The following EYA1 variants were observed in gnomAD, a reference collection of about 807,000 sequenced individuals.
EYA1 encodes EYA transcriptional coactivator and phosphatase 1.
EYA1 carries 16 observed loss-of-function variants against 82.0 expected under a neutral mutation model. The observed-to-expected ratio is 0.20, with a 90% CI of 0.13 to 0.30. EYA1 has a LOEUF of 0.30. Ranked by LOEUF, EYA1 falls within the 10% of genes least tolerant of loss-of-function variation. The probability of loss-of-function intolerance (pLI) is 1.00; values close to 1 mark genes in which losing one functional copy is unlikely to be tolerated. For synonymous variants in EYA1, 261 were observed against 264.4 expected, an observed-to-expected ratio of 0.99 and a Z score of 0.12; for missense variants, 633 against 730.7, an observed-to-expected ratio of 0.87 and a Z score of 1.54.
chr8:71,395,300 T>C (rs1260273543), intron 2 of EYA1, among the ~76,000 whole-genome samples: 1 of 152,232 alleles, frequency 6.6e-6, no homozygotes, highest in African/African-American at 2.4e-5. Context: ...TCTTGCCTGA[T>C]TGCCCTGGCC....
intron 12 of EYA1, among the ~76,000 whole-genome samples, chr8:71,228,780 C>T (rs990434678): frequency 5.9e-5 from 9 of 152,162 alleles, no homozygotes; most frequent in East Asian, 1.9e-4. Flanking sequence ...CTTGCCTTTA[C>T]GGTTTTAAAC....
intron 2 of EYA1, among the ~76,000 whole-genome samples, chr8:71,368,577 C>T (rs1230859785): frequency 6.6e-6 from 1 of 152,118 alleles, no homozygotes; most frequent in Non-Finnish European, 1.5e-5. Flanking sequence ...AAAAGAATGA[C>T]AGCCTATGAC....
intron 9 of EYA1, among the ~76,000 whole-genome samples, chr8:71,292,293 C>T (rs1819091694): frequency 6.6e-6 from 1 of 151,948 alleles, no homozygotes; most frequent in African/African-American, 2.4e-5. Flanking sequence ...AGGAAAACAC[C>T]TTCAAATTTA....
chr8:71,317,738 G>A (rs765303027), intron 6 of EYA1, 49 bp from the exon 7 acceptor site: 59 of 1,585,536 alleles, frequency 3.7e-5, no homozygotes, highest in Non-Finnish European at 4.8e-5. Flanking sequence ...TCAAAAGCTG[G>A]TAAATATACA....
chr8:71,255,071 T>C, intron 11 of EYA1, among the ~76,000 whole-genome samples: 2 of 152,156 alleles, frequency 1.3e-5, no homozygotes, highest in African/African-American at 4.8e-5. Context: ...CGCTGAAAAA[T>C]TTTAAAAAAT....
chr8:71,274,865 G>GGA lies in EYA1; in HGVS notation c.827-2970_827-2969dup, dbSNP rs140773864. On this transcript the variant is annotated intron_variant, in intron 9 of 17. Coordinates refer to ENST00000340726, the MANE Select transcript of EYA1 (RefSeq NM_000503.6). ...CATAAGTATGTGTGAAGGTAAAGTG[G>GGA]GAGAGAGAGAGAGAGTGAGCGAGCG... 2.1e-3 allele frequency among the ~76,000 whole-genome samples: 311 copies of GGA among 149,640 alleles called. 1 individual carries two copies. The highest frequency in any genetic ancestry group is 5.7e-3 in the African/African-American group (231 of 40,458).
intron 11 of EYA1, among the ~76,000 whole-genome samples, chr8:71,266,932 C>A (rs969540465): frequency 6.6e-6 from 1 of 152,130 alleles, no homozygotes. Flanking sequence ...CCCACCACTC[C>A]AATCAATTCA....
At chr8:71,208,778 C>T (rs765238983) in intron 17 of EYA1, among the ~76,000 whole-genome samples, 6 of 152,206 alleles carry the variant, frequency 3.9e-5, no homozygotes, top group Non-Finnish European at 7.4e-5. Context: ...AGCAAATACT[C>T]TAGCCCTATC....
chr8:71,458,721 T>TA (rs1354593354), intron 2 of EYA1, among the ~76,000 whole-genome samples: 1 of 152,042 alleles, frequency 6.6e-6, no homozygotes, highest in Non-Finnish European at 1.5e-5. Context: ...CTCCTGAAGA[T>TA]AAAGAAGAGT....
chr8:71,513,823 A>T (rs1812776605), intron 2 of EYA1, among the ~76,000 whole-genome samples: 1 of 152,066 alleles, frequency 6.6e-6, no homozygotes, highest in African/African-American at 2.4e-5. Flanking sequence ...TTTAGATCCC[A>T]CAAATACATG....
At chr8:71,430,806 G>A (rs1163161106) in intron 2 of EYA1, among the ~76,000 whole-genome samples, 1 of 151,468 alleles carries the variant, frequency 6.6e-6, no homozygotes, top group Non-Finnish European at 1.5e-5. Context: ...AGCTACCTAA[G>A]TCACTTTAAG....
intron 9 of EYA1, among the ~76,000 whole-genome samples, chr8:71,290,841 GACAA>G (rs1223191327): frequency 1.3e-5 from 2 of 152,070 alleles, no homozygotes; most frequent in African/African-American, 4.8e-5. Flanking sequence ...ATGCCATCAA[GACAA>G]ACAAACCCAA....
intron 9 of EYA1, among the ~76,000 whole-genome samples, chr8:71,295,922 G>C (rs1819547676): frequency 6.6e-6 from 1 of 151,916 alleles, no homozygotes; most frequent in African/African-American, 2.4e-5. Context: ...AAGTAGGCAT[G>C]AGTTTAAGAG....
chr8:71,476,192 G>A (rs768556661), intron 2 of EYA1, among the ~76,000 whole-genome samples: 31 of 152,086 alleles, frequency 2.0e-4, no homozygotes, highest in Admixed American at 7.2e-4. Flanking sequence ...ATAATCTATG[G>A]TCTCAATGAG....
chr8:71,305,677 T>TAAA (rs1820658196), intron 7 of EYA1, among the ~76,000 whole-genome samples: 1 of 129,028 alleles, frequency 7.8e-6, no homozygotes, highest in African/African-American at 3.4e-5. Context: ...AAATAAATAA[T>TAAA]TGTTAACAAT....
intron 2 of EYA1, among the ~76,000 whole-genome samples, chr8:71,417,443 A>AT (rs1462478291): frequency 6.6e-6 from 1 of 152,174 alleles, no homozygotes; most frequent in Non-Finnish European, 1.5e-5. Flanking sequence ...TTAGAAAGCC[A>AT]TTTTTTGCCT....
chr8:71,275,238 T>C (rs561626581), intron 9 of EYA1, among the ~76,000 whole-genome samples: 1 of 152,226 alleles, frequency 6.6e-6, no homozygotes, highest in African/African-American at 2.4e-5. Context: ...GTAAAATCAA[T>C]AACTAAGTGG....
rs376754447 is a variant in EYA1 at position 71,199,319 on chromosome 8, C to T, written c.*21G>A. 7 of 1,567,408 alleles carry T rather than the reference C, an allele frequency of 4.5e-6. No homozygotes were observed. Among genetic ancestry groups the T allele is most frequent in the African/African-American group, 2.7e-5 (2 of 73,852 alleles). ...TCCCTGGTCACAGAGCAGCTGTGCG[C>T]TGTCAAAGTGCCGAGCGCTGTTACA... is the stretch of plus-strand genomic sequence containing the variant. On this transcript the variant is annotated 3_prime_UTR_variant, in exon 18 of 18. Coordinates refer to ENST00000340726, the MANE Select transcript of EYA1 (RefSeq NM_000503.6).
At chr8:71,327,267 G>A (rs751074646) in intron 4 of EYA1, among the ~76,000 whole-genome samples, 3 of 152,138 alleles carry the variant, frequency 2.0e-5, no homozygotes, top group Non-Finnish European at 2.9e-5. Context: ...TTGAATGAAC[G>A]AATCAGACCT....
Sources: allele counts gnomAD v4.1 joint callset (sites outside exome capture counted in the v4.1 genomes callset), GRCh38; gene constraint gnomAD v4.1.1; transcripts MANE v1.5; gene names NCBI Gene and HGNC (gene_info 2026-07-23, HGNC 2026-07-21).